Variants in RAB2A observed in about 807,000 individuals in gnomAD.
RAB2A encodes the protein RAB2A, member RAS oncogene family.
A neutral mutation model predicts 32.5 loss-of-function variants in RAB2A; 7 were observed. The observed-to-expected ratio is 0.22, with a 90% CI of 0.12 to 0.40. The LOEUF is 0.40. Among genes scored for constraint, RAB2A ranks in the 10% least tolerant of loss-of-function variants. RAB2A has a pLI of 1.00. For synonymous variants in RAB2A, 79 were observed against 85.2 expected, an observed-to-expected ratio of 0.93 and a Z score of 0.40; for missense variants, 108 against 260.7, an observed-to-expected ratio of 0.41 and a Z score of 4.03.
At chr8:60,571,354 C>T (rs2130839866) in intron 2 of RAB2A, among the ~76,000 whole-genome samples, 1 of 152,252 alleles carries the variant, frequency 6.6e-6, no homozygotes, top group East Asian at 1.9e-4. Context: ...ATTATCTGTA[C>T]ACAAAAGAAT....
At position 60,614,376 on chromosome 8, in the gene RAB2A, G is replaced by A. The variant is rs1216703005; in HGVS notation, c.475-4204G>A. ...AGCAACAATAGTCCTCCTCATCTTT[G>A]TGTCTTCCATGGTACCTACAGAAGT... On this transcript the variant is annotated intron_variant, in intron 6 of 7. Transcript: ENST00000262646. Among the ~76,000 whole-genome samples the A allele has an allele frequency of 2.6e-5, 4 of 151,914 alleles. 1 individual carries two copies. In the South Asian group the frequency reaches 6.2e-4, roughly 24 times the overall value.
chr8:60,548,633 A>G (rs547146649), intron 1 of RAB2A, among the ~76,000 whole-genome samples: 372 of 88,334 alleles, frequency 4.2e-3, no homozygotes, highest in Middle Eastern at 8.5e-3. Context: ...CGGCTGGCCG[A>G]GCGGGGGGCT....
At chr8:60,521,916 C>T (rs1807308333) in intron 1 of RAB2A, among the ~76,000 whole-genome samples, 1 of 152,178 alleles carries the variant, frequency 6.6e-6, no homozygotes, top group Non-Finnish European at 1.5e-5. Context: ...GCCACCGCGG[C>T]AAGGCAGCAT....
intron 3 of RAB2A, among the ~76,000 whole-genome samples, chr8:60,579,793 A>C (rs1255625728): frequency 6.6e-6 from 1 of 151,860 alleles, no homozygotes; most frequent in African/African-American, 2.4e-5. Flanking sequence ...AAGCCCGGCT[A>C]ATTTTTTGCA....
At chr8:60,524,241 C>T (rs1217817979) in intron 1 of RAB2A, among the ~76,000 whole-genome samples, 2 of 151,732 alleles carry the variant, frequency 1.3e-5, no homozygotes, top group Non-Finnish European at 2.9e-5. Context: ...TCCCCAACTG[C>T]TTCCCTCCTT....
chr8:60,544,260 G>T (rs1490182880), intron 1 of RAB2A, among the ~76,000 whole-genome samples: 1 of 151,196 alleles, frequency 6.6e-6, no homozygotes, highest in Non-Finnish European at 1.5e-5. Flanking sequence ...GGCTGGTCTC[G>T]AACTCCGGAC....
At chr8:60,537,378 C>T (rs186010785) in intron 1 of RAB2A, among the ~76,000 whole-genome samples, 27 of 152,288 alleles carry the variant, frequency 1.8e-4, no homozygotes, top group South Asian at 4.1e-4. Context: ...TGTGCTACCA[C>T]GCCCAGCTAA....
chr8:60,566,383 A>G (rs1417217026), intron 2 of RAB2A, among the ~76,000 whole-genome samples: 1 of 152,016 alleles, frequency 6.6e-6, no homozygotes, highest in South Asian at 2.1e-4. Context: ...AGAACTATTT[A>G]TCTTCTCTTT....
intron 6 of RAB2A, among the ~76,000 whole-genome samples, chr8:60,615,811 A>G (rs1322835597): frequency 6.6e-6 from 1 of 152,186 alleles, no homozygotes; most frequent in Non-Finnish European, 1.5e-5. Flanking sequence ...CATACTTTTA[A>G]AACAAGTATA....
intron 6 of RAB2A, among the ~76,000 whole-genome samples, chr8:60,601,516 C>G (rs559190832): frequency 6.6e-6 from 1 of 152,134 alleles, no homozygotes; most frequent in Non-Finnish European, 1.5e-5. Flanking sequence ...TTTTGTACTT[C>G]TAGTAGAAAC....
rs1192917230 is a variant in RAB2A, at chr8:60,536,794, G to A, written c.46+19541G>A. Among the ~76,000 whole-genome samples, 3 of 152,198 alleles carry A rather than the reference G, an allele frequency of 2.0e-5. No homozygotes were observed. The East Asian group carries it at 5.8e-4, about 29-fold the overall frequency. On this transcript the variant is annotated intron_variant, in intron 1 of 7. Transcript: ENST00000262646. ...GCAAATGTATTGATTACAAATGGCA[G>A]TATGTATCTGAGAAAGAACAAATTC... is the stretch of plus-strand genomic sequence containing the variant.
At chr8:60,547,441 C>G (rs1807751304) in intron 1 of RAB2A, among the ~76,000 whole-genome samples, 1 of 152,084 alleles carries the variant, frequency 6.6e-6, no homozygotes, top group African/African-American at 2.4e-5. Context: ...GGTGGCCGGG[C>G]AGAGGGGCTC....
intron 1 of RAB2A, among the ~76,000 whole-genome samples, chr8:60,554,563 G>A (rs1488069123): frequency 1.3e-5 from 2 of 152,224 alleles, no homozygotes; most frequent in East Asian, 1.9e-4. Context: ...GTATTGAAGT[G>A]TAAATGTTTA....
At chr8:60,602,523 T>G (rs956858223) in intron 6 of RAB2A, among the ~76,000 whole-genome samples, 1 of 152,186 alleles carries the variant, frequency 6.6e-6, no homozygotes, top group Non-Finnish European at 1.5e-5. Flanking sequence ...TCTTCCTCCT[T>G]AGAGAAGTAG....
rs1803910855 is a variant in RAB2A at position 60,589,723 on chromosome 8, A to T, written c.363-2135A>T. ...CAACAATATGATGTAATGCCTGGAA[A>T]ACTGAGGTATTTTTAAAACTTTGCA... On this transcript the variant is annotated intron_variant, in intron 5 of 7. Coordinates refer to ENST00000262646, the MANE Select transcript of RAB2A (RefSeq NM_002865.3). Among the ~76,000 whole-genome samples the T allele has an allele frequency of 5.9e-5, 9 of 152,294 alleles. No homozygotes were observed. In the South Asian group the frequency reaches 1.9e-3, roughly 32 times the overall value.
At chr8:60,520,038 C>T (rs1236060704) in intron 1 of RAB2A, among the ~76,000 whole-genome samples, 1 of 152,148 alleles carries the variant, frequency 6.6e-6, no homozygotes, top group African/African-American at 2.4e-5. Flanking sequence ...CAAAAACATG[C>T]ATCTTAGAAT....
chr8:60,580,451 A>G (rs1803726305), intron 3 of RAB2A, among the ~76,000 whole-genome samples: 2 of 152,170 alleles, frequency 1.3e-5, no homozygotes, highest in Admixed American at 6.5e-5. Context: ...ATTTATTTCA[A>G]GGCTACCAAT....
chr8:60,520,297 AT>A (rs1807281782), intron 1 of RAB2A, among the ~76,000 whole-genome samples: 3 of 152,154 alleles, frequency 2.0e-5, no homozygotes, highest in Non-Finnish European at 4.4e-5. Context: ...GTAGCTTTAA[AT>A]TTTTTCCTTG....
At chr8:60,527,532 A>G (rs1017612894) in intron 1 of RAB2A, among the ~76,000 whole-genome samples, 2 of 152,162 alleles carry the variant, frequency 1.3e-5, no homozygotes, top group Non-Finnish European at 2.9e-5. Context: ...TTAAACAACC[A>G]GATTGGCCAC....
Sources: gnomAD v4.1 joint callset for allele counts (sites outside exome capture counted in the v4.1 genomes callset) on GRCh38, gnomAD v4.1.1 for gene constraint, MANE v1.5 for transcripts, NCBI Gene and HGNC (gene_info 2026-07-23, HGNC 2026-07-21) for gene names.